The following PPM1L variants were observed in gnomAD, a reference collection of about 807,000 sequenced individuals.
PPM1L encodes protein phosphatase 1L.
In PPM1L, 13 loss-of-function variants were observed where a neutral mutation model predicts 31.4. The observed-to-expected ratio is 0.41, with a 90% CI of 0.27 to 0.66. The LOEUF (loss-of-function observed/expected upper bound fraction) is 0.66, where lower values mean the gene tolerates loss of function less well. PPM1L is among the 30% of genes least tolerant of loss of function. The probability of loss-of-function intolerance (pLI) is 0.29; values close to 1 mark genes in which losing one functional copy is unlikely to be tolerated. For synonymous variants in PPM1L, 184 were observed against 175.4 expected, an observed-to-expected ratio of 1.05 and a Z score of -0.39; for missense variants, 326 against 453.7, an observed-to-expected ratio of 0.72 and a Z score of 2.56.
At chr3:161,005,724 A>G (rs751428828) in intron 2 of PPM1L, among the ~76,000 whole-genome samples, 11 of 152,236 alleles carry the variant, frequency 7.2e-5, no homozygotes, top group Non-Finnish European at 1.3e-4. Context: ...TTGAAACACA[A>G]TATAAGTTTT....
chr3:160,824,063 C>T (rs1713283330), intron 1 of PPM1L, among the ~76,000 whole-genome samples: 1 of 151,958 alleles, frequency 6.6e-6, no homozygotes, highest in African/African-American at 2.4e-5. Context: ...TATTTGTATC[C>T]CCAAAATTCA....
At chr3:160,971,819 C>G (rs147263847) in intron 2 of PPM1L, among the ~76,000 whole-genome samples, 8 of 152,150 alleles carry the variant, frequency 5.3e-5, no homozygotes, top group Admixed American at 1.3e-4. Context: ...GCTGGAGTGC[C>G]GTGGCATGAT....
In PPM1L at chr3:160,892,842, C is replaced by T. The variant is rs542782009; in HGVS notation, c.400-68894C>T. On this transcript the variant is annotated intron_variant, in intron 1 of 3. Transcript: ENST00000498165. ...TACTACTTGTTATCATCTCTAGATG[C>T]GAAGGAGATTACAATTAATCATTAG... is the stretch of plus-strand genomic sequence containing the variant. 1.2e-4 allele frequency among the ~76,000 whole-genome samples: 18 copies of T among 152,046 alleles called. No homozygotes were observed. The South Asian group carries it at 1.7e-3, about 14-fold the overall frequency.
At chr3:160,856,231 C>T (rs1711697047) in intron 1 of PPM1L, among the ~76,000 whole-genome samples, 1 of 151,908 alleles carries the variant, frequency 6.6e-6, no homozygotes, top group Non-Finnish European at 1.5e-5. Context: ...CCTTTGGCAA[C>T]ACCCTCACAG....
At chr3:160,902,273 G>A (rs900844548) in intron 1 of PPM1L, among the ~76,000 whole-genome samples, 2 of 152,116 alleles carry the variant, frequency 1.3e-5, no homozygotes, top group African/African-American at 4.8e-5. Context: ...GAAACTATCT[G>A]CTATGAATAT....
At chr3:160,968,726 A>G (rs1716231739) in intron 2 of PPM1L, among the ~76,000 whole-genome samples, 3 of 152,188 alleles carry the variant, frequency 2.0e-5, no homozygotes, top group African/African-American at 7.2e-5. Context: ...CAAGAACCCT[A>G]AGCCATGGGA....
intron 1 of PPM1L, among the ~76,000 whole-genome samples, chr3:160,785,401 A>G (rs1309462081): frequency 1.3e-5 from 2 of 152,200 alleles, no homozygotes; most frequent in Non-Finnish European, 2.9e-5. Flanking sequence ...TGAAGGATGT[A>G]TTACTTTTTA....
intron 3 of PPM1L, 66 bp downstream of exon 3, chr3:161,065,630 A>G: frequency 2.0e-6 from 3 of 1,493,682 alleles, no homozygotes; most frequent in Non-Finnish European, 2.8e-6. Context: ...GCTTGCTTGG[A>G]GAGCTCCTGG....
intron 1 of PPM1L, among the ~76,000 whole-genome samples, chr3:160,760,552 T>C (rs1263545155): frequency 1.3e-5 from 2 of 152,160 alleles, no homozygotes; most frequent in African/African-American, 4.8e-5. Flanking sequence ...ATGGCAGTGA[T>C]TGTCTTCTTA....
intron 1 of PPM1L, among the ~76,000 whole-genome samples, chr3:160,906,427 C>A (rs1713758203): frequency 6.6e-6 from 1 of 152,122 alleles, no homozygotes; most frequent in Non-Finnish European, 1.5e-5. Flanking sequence ...CATCATGAAA[C>A]CCCATCTCTA....
chr3:160,818,871 G>A (rs999641854), intron 1 of PPM1L, among the ~76,000 whole-genome samples: 1 of 151,850 alleles, frequency 6.6e-6, no homozygotes, highest in African/African-American at 2.4e-5. Flanking sequence ...GCAAAAACAA[G>A]CTTGACTTTT....
chr3:160,837,935 G>A (rs988189765), intron 1 of PPM1L, among the ~76,000 whole-genome samples: 2 of 152,006 alleles, frequency 1.3e-5, no homozygotes, highest in Non-Finnish European at 2.9e-5. Context: ...TTTTGTACTG[G>A]GCCCTGCAAA....
At chr3:160,907,303 T>G (rs1713796075) in intron 1 of PPM1L, among the ~76,000 whole-genome samples, 1 of 152,220 alleles carries the variant, frequency 6.6e-6, no homozygotes, top group South Asian at 2.1e-4. Context: ...GGATGAAGAT[T>G]AAAGAAAACT....
intron 1 of PPM1L, among the ~76,000 whole-genome samples, chr3:160,927,342 A>G (rs752340096): frequency 2.0e-5 from 3 of 152,216 alleles, no homozygotes; most frequent in Non-Finnish European, 4.4e-5. Context: ...TGTTTAATAC[A>G]TGCTGTGGAT....
At chr3:161,059,142 C>T (rs1028687640) in intron 2 of PPM1L, among the ~76,000 whole-genome samples, 1 of 152,122 alleles carries the variant, frequency 6.6e-6, no homozygotes, top group Non-Finnish European at 1.5e-5. Context: ...ATATTGAGTT[C>T]AGAAGTGGAC....
At chr3:160,896,205 TTAAA>T (rs966411617) in intron 1 of PPM1L, among the ~76,000 whole-genome samples, 38 of 152,202 alleles carry the variant, frequency 2.5e-4, no homozygotes, top group Non-Finnish European at 2.9e-5. Context: ...TATTTAAAGT[TTAAA>T]TAATAGTGTA....
chr3:160,888,581 G>A (rs546566546), intron 1 of PPM1L, among the ~76,000 whole-genome samples: 2 of 152,196 alleles, frequency 1.3e-5, no homozygotes, highest in African/African-American at 4.8e-5. Flanking sequence ...CAATAATAGT[G>A]GGAGACTTTA....
At chr3:160,803,831 T>A (rs1712511414) in intron 1 of PPM1L, among the ~76,000 whole-genome samples, 1 of 152,256 alleles carries the variant, frequency 6.6e-6, no homozygotes, top group Admixed American at 6.5e-5. Flanking sequence ...TGTTTAGACA[T>A]CTTTTTTGAG....
intron 1 of PPM1L, among the ~76,000 whole-genome samples, chr3:160,806,230 CCTT>C (rs538260366): frequency 6.6e-6 from 1 of 152,142 alleles, no homozygotes; most frequent in East Asian, 1.9e-4. Flanking sequence ...ACATTCTAAA[CCTT>C]CTTCTTGAAA....
Sources: gnomAD v4.1 joint callset for allele counts (sites outside exome capture counted in the v4.1 genomes callset) on GRCh38, gnomAD v4.1.1 for gene constraint, MANE v1.5 for transcripts, NCBI Gene and HGNC (gene_info 2026-07-23, HGNC 2026-07-21) for gene names.